Variants in TLE4 observed in about 807,000 individuals in gnomAD.
TLE4 encodes transducin-like enhancer protein 4.
Under a neutral mutation model 92.8 loss-of-function variants are expected in TLE4, and 8 were observed. The observed-to-expected ratio is 0.09, with a 90% CI of 0.05 to 0.16. The LOEUF (loss-of-function observed/expected upper bound fraction) is 0.16. Ranked by LOEUF, TLE4 falls within the 10% of genes least tolerant of loss-of-function variation. The pLI, the probability that TLE4 is intolerant of heterozygous loss-of-function variation, is 1.00. For synonymous variants in TLE4, 371 were observed against 374.1 expected (o/e 0.99, Z 0.10); for missense variants, 675 against 997.6 (o/e 0.68, Z 4.36).
At chr9:79,671,388 A>G (rs932694546) in intron 8 of TLE4, 4 of 388,658 alleles carry the variant, frequency 1.0e-5, no homozygotes, top group African/African-American at 6.2e-5. Context: ...TGGCCCGAGG[A>G]CTGTGATCTC....
chr9:79,684,483 A>G (rs12335423), intron 8 of TLE4, among the ~76,000 whole-genome samples: 3,427 of 150,638 alleles, frequency 0.023, 117 homozygotes, highest in African/African-American at 0.078. Context: ...GCAGGGATCT[A>G]TTGTGAACTG....
intron 5 of TLE4, among the ~76,000 whole-genome samples, chr9:79,623,017 G>A (rs915595555): frequency 1.3e-5 from 2 of 151,820 alleles, no homozygotes; most frequent in African/African-American, 2.4e-5. Context: ...TACTACCCCA[G>A]TCAATATGGG....
chr9:79,694,410 T>C (rs2067754038), intron 8 of TLE4, among the ~76,000 whole-genome samples: 1 of 152,232 alleles, frequency 6.6e-6, no homozygotes, highest in Admixed American at 6.5e-5. Context: ...TTTTGGCACA[T>C]GCTTGGTGAA....
chr9:79,663,803 G>A (rs760766639), intron 8 of TLE4, among the ~76,000 whole-genome samples: 9 of 152,172 alleles, frequency 5.9e-5, no homozygotes, highest in Non-Finnish European at 8.8e-5. Flanking sequence ...GGGGGGAAGG[G>A]AGGAGTGCTT....
At chr9:79,712,546 A>G (rs2073585101) in intron 14 of TLE4, among the ~76,000 whole-genome samples, 1 of 152,246 alleles carries the variant, frequency 6.6e-6, no homozygotes, top group South Asian at 2.1e-4. Context: ...ACCTTTCTCC[A>G]GAAAGACTTA....
In TLE4 at chr9:79,596,879, A is replaced by G. The variant is rs532961947; in HGVS notation, c.253-15777A>G. Among the ~76,000 whole-genome samples the G allele has an allele frequency of 2.6e-5, 4 of 152,338 alleles. No individual in the cohort carries two copies. In the East Asian group the frequency reaches 5.8e-4, roughly 22 times the overall value. On this transcript the variant is annotated intron_variant, in intron 4 of 19. Transcript: ENST00000376552. Reference sequence around the variant, plus strand: ...ATTAAAGTCATGGTTTAGCTAGTCTAGAAATTAGAGTCACACTAGGATTTG... The same window carrying G: ...ATTAAAGTCATGGTTTAGCTAGTCTGGAAATTAGAGTCACACTAGGATTTG...
chr9:79,627,849 T>C (rs1327078566), intron 6 of TLE4: 1 of 165,258 alleles, frequency 6.1e-6, no homozygotes, highest in Non-Finnish European at 1.3e-5. Context: ...TAATGAGGTG[T>C]ACATTTTCAC....
intron 6 of TLE4, chr9:79,649,909 G>GT: frequency 5.3e-6 from 7 of 1,315,976 alleles, no homozygotes; most frequent in Non-Finnish European, 7.0e-6. Flanking sequence ...TTGTTTTTTT[G>GT]TTTTTTGTTT....
chr9:79,662,769 G>A (rs995889838), intron 8 of TLE4, among the ~76,000 whole-genome samples: 3 of 152,210 alleles, frequency 2.0e-5, no homozygotes, highest in Non-Finnish European at 2.9e-5. Flanking sequence ...AAAAGGGCTG[G>A]TTGTCGCATA....
chr9:79,677,353 C>G (rs1374720072), intron 8 of TLE4, among the ~76,000 whole-genome samples: 1 of 152,056 alleles, frequency 6.6e-6, no homozygotes, highest in East Asian at 1.9e-4. Context: ...GAAGATGTAT[C>G]CATGACAGAA....
chr9:79,637,952 A>G (rs1257812565), intron 6 of TLE4, among the ~76,000 whole-genome samples: 1 of 152,162 alleles, frequency 6.6e-6, no homozygotes, highest in African/African-American at 2.4e-5. Context: ...GCCTTAGTAG[A>G]ATAGGATTGT....
At chr9:79,611,286 C>G (rs2048316772) in intron 4 of TLE4, among the ~76,000 whole-genome samples, 1 of 152,050 alleles carries the variant, frequency 6.6e-6, no homozygotes, top group African/African-American at 2.4e-5. Flanking sequence ...CAGGTCAGCA[C>G]AGTTGGGTCC....
intron 5 of TLE4, among the ~76,000 whole-genome samples, chr9:79,616,837 G>C (rs1284919603): frequency 1.3e-5 from 2 of 152,130 alleles, no homozygotes; most frequent in East Asian, 1.9e-4. Context: ...GGCAGTAAGG[G>C]ACAGCATTTC....
intron 8 of TLE4, among the ~76,000 whole-genome samples, chr9:79,674,697 C>A (rs565192741): frequency 2.6e-5 from 4 of 151,992 alleles, no homozygotes; most frequent in Admixed American, 2.0e-4. Flanking sequence ...TCACGTGGGG[C>A]GGGATGTTTT....
At chr9:79,664,417 C>T (rs1286939262) in intron 8 of TLE4, among the ~76,000 whole-genome samples, 3 of 152,140 alleles carry the variant, frequency 2.0e-5, no homozygotes, top group East Asian at 1.9e-4. Flanking sequence ...TATTCCACAT[C>T]CTTGGCCCAG....
intron 5 of TLE4, among the ~76,000 whole-genome samples, chr9:79,624,901 TTGAA>T (rs371011863): frequency 6.6e-6 from 1 of 152,188 alleles, no homozygotes; most frequent in Admixed American, 6.5e-5. Flanking sequence ...AAAACTTTTG[TTGAA>T]TGAATGAATG....
At chr9:79,681,791 G>GGAGAGAGGGAGACAGAGAGA (rs1784576090) in intron 8 of TLE4, among the ~76,000 whole-genome samples, 1 of 149,516 alleles carries the variant, frequency 6.7e-6, no homozygotes, top group Non-Finnish European at 1.5e-5. Context: ...AGGAAGAGAG[G>GGAGAGAGGGAGACAGAGAGA]GAGAGAGGGA....
At chr9:79,704,942 C>T in intron 9 of TLE4, 40 bp downstream of exon 9, 1 of 1,610,184 alleles carries the variant, frequency 6.2e-7, no homozygotes, top group Non-Finnish European at 8.5e-7. Flanking sequence ...GGCCAGCTTG[C>T]CTTTTTATCT....
chr9:79,616,909 C>G (rs1196706313), intron 5 of TLE4, among the ~76,000 whole-genome samples: 1 of 152,188 alleles, frequency 6.6e-6, no homozygotes, highest in Non-Finnish European at 1.5e-5. Context: ...AAGTTGATCT[C>G]TCTAAGCCTT....
Sources: allele counts gnomAD v4.1 joint callset (sites outside exome capture counted in the v4.1 genomes callset), GRCh38; gene constraint gnomAD v4.1.1; transcripts MANE v1.5; gene names NCBI Gene and HGNC (gene_info 2026-07-23, HGNC 2026-07-21).